Variants in FLNB observed in about 807,000 individuals in gnomAD.
FLNB encodes filamin B.
A neutral mutation model predicts 250.6 loss-of-function variants in FLNB; 111 were observed. That is an observed-to-expected ratio of 0.44 (90% CI 0.38 to 0.52). The LOEUF is 0.52. Ranked by LOEUF, FLNB falls within the 20% of genes least tolerant of loss-of-function variation. The probability of loss-of-function intolerance (pLI) is 0.00; values close to 1 mark genes in which losing one functional copy is unlikely to be tolerated. For synonymous variants in FLNB, 1,302 were observed against 1,372.1 expected, an observed-to-expected ratio of 0.95 and a Z score of 1.13; for missense variants, 2,869 against 3,447.8, an observed-to-expected ratio of 0.83 and a Z score of 4.20.
chr3:58,160,681 T>C (rs1172791370), intron 42 of FLNB, among the ~76,000 whole-genome samples: 1 of 152,160 alleles, frequency 6.6e-6, no homozygotes, highest in African/African-American at 2.4e-5. Context: ...CCTGGCTGTA[T>C]TTGTATAGTG....
intron 1 of FLNB, among the ~76,000 whole-genome samples, chr3:58,043,924 G>A (rs1193046323): frequency 6.6e-6 from 1 of 152,140 alleles, no homozygotes; most frequent in Admixed American, 6.5e-5. Context: ...CAGGGCCTCA[G>A]GAAGACTTGA....
chr3:58,102,084 A>C, intron 8 of FLNB, 119 bp from the exon 9 acceptor site: 1 of 1,119,934 alleles, frequency 8.9e-7, no homozygotes, highest in Non-Finnish European at 1.3e-6. Context: ...TTGGGCAACT[A>C]CTGCATACTA....
chr3:58,039,937 G>T (rs1393950933), intron 1 of FLNB, among the ~76,000 whole-genome samples: 1 of 152,202 alleles, frequency 6.6e-6, no homozygotes, highest in Non-Finnish European at 1.5e-5. Flanking sequence ...CTGAGGTCAA[G>T]AGTTGAAGAC....
chr3:58,073,289 C>T (rs1276116561), intron 1 of FLNB, among the ~76,000 whole-genome samples: 2 of 152,070 alleles, frequency 1.3e-5, no homozygotes, highest in Non-Finnish European at 2.9e-5. Context: ...GGTAGTAACT[C>T]CGTAATCAAT....
At chr3:58,064,114 G>C (rs2097182118) in intron 1 of FLNB, among the ~76,000 whole-genome samples, 1 of 152,146 alleles carries the variant, frequency 6.6e-6, no homozygotes, top group Admixed American at 6.5e-5. Context: ...TCAGCACAGA[G>C]CTGGGAGCTC....
Position 58,126,093 on chromosome 3 carries a change from T to C in FLNB, c.4061+350T>C, listed in dbSNP as rs1004457027. 2.6e-5 allele frequency among the ~76,000 whole-genome samples: 4 copies of C among 151,980 alleles called. No individual in the cohort carries two copies. In the East Asian group the frequency reaches 7.7e-4, roughly 29 times the overall value. On this transcript the variant is annotated intron_variant, in intron 23 of 45. Coordinates refer to ENST00000295956, the MANE Select transcript of FLNB (RefSeq NM_001457.4). ...AGCCAGTGCAATTAGATAAGAAAAA[T>C]AGGCTGGGTGTGGCGGCTCACACCT...
intron 41 of FLNB, among the ~76,000 whole-genome samples, chr3:58,156,451 G>T (rs2097353472): frequency 6.6e-6 from 1 of 152,222 alleles, no homozygotes; most frequent in African/African-American, 2.4e-5. Context: ...GCCTGCTGTT[G>T]TTGGCTGCCT....
At chr3:58,100,688 C>A (rs74829729) in intron 8 of FLNB, among the ~76,000 whole-genome samples, 1,607 of 147,712 alleles carry the variant, frequency 0.011, 32 homozygotes, top group East Asian at 0.057. Context: ...GCTTCTGCTT[C>A]CCTGGTTCAA....
At chr3:58,037,311 C>T (rs1255328958) in intron 1 of FLNB, among the ~76,000 whole-genome samples, 8 of 152,256 alleles carry the variant, frequency 5.3e-5, no homozygotes, top group East Asian at 3.9e-4. Context: ...GCCATCCGCT[C>T]GCTTTGGCCT....
chr3:58,159,537 AT>A lies in FLNB; in HGVS notation c.6889-16del. The stretch of plus-strand genomic sequence containing the variant: ...AACGCCGAGGGCCATAACCTGTCTG[AT>A]GTATTAAATTCTCAGGAATCGGGAT... On this transcript the variant is annotated splice_polypyrimidine_tract_variant and intron_variant, in intron 41 of 45. Transcript: ENST00000295956. 6.2e-7 allele frequency: 1 copy of A among 1,613,934 alleles called. No homozygotes were observed. The highest frequency in any genetic ancestry group is 8.5e-7 in the Non-Finnish European group (1 of 1,179,898).
intron 19 of FLNB, among the ~76,000 whole-genome samples, chr3:58,119,947 T>C (rs1022738177): frequency 5.3e-5 from 8 of 152,214 alleles, no homozygotes; most frequent in Admixed American, 4.6e-4. Context: ...CACTCCTACA[T>C]CTTTTCCGTC....
chr3:58,074,189 C>T lies in FLNB; in HGVS notation c.293-2857C>T, dbSNP rs961723224. 4.6e-5 allele frequency among the ~76,000 whole-genome samples: 7 copies of T among 152,298 alleles called. No homozygotes were observed. The East Asian group carries it at 1.2e-3, about 25-fold the overall frequency. On this transcript the variant is annotated intron_variant, in intron 1 of 45. Transcript: ENST00000295956. ...CCCAGACCAAGAACATCAGCATTAC[C>T]TACGAATTTATTGGAAATTCAAATT...
intron 9 of FLNB, among the ~76,000 whole-genome samples, chr3:58,103,128 AT>A (rs2097253740): frequency 6.6e-6 from 1 of 152,080 alleles, no homozygotes; most frequent in Non-Finnish European, 1.5e-5. Flanking sequence ...CAGAAAGTTA[AT>A]ATTTGACTTC....
intron 1 of FLNB, among the ~76,000 whole-genome samples, chr3:58,063,348 C>A (rs952456788): frequency 6.6e-6 from 1 of 152,152 alleles, no homozygotes; most frequent in African/African-American, 2.4e-5. Flanking sequence ...GGAGGTCGGT[C>A]CCTGGGCTGA....
At chr3:58,152,280 A>G (rs1478216991) in intron 38 of FLNB, among the ~76,000 whole-genome samples, 2 of 152,182 alleles carry the variant, frequency 1.3e-5, no homozygotes, top group East Asian at 1.9e-4. Flanking sequence ...CTCCGGACCC[A>G]GGTTTTGCGG....
intron 13 of FLNB, 149 bp from the exon 14 acceptor site, chr3:58,109,030 G>T (rs900407251): frequency 1.2e-6 from 1 of 857,184 alleles, no homozygotes. Flanking sequence ...TTGTCACCGT[G>T]TTGTGAAAAT....
intron 1 of FLNB, among the ~76,000 whole-genome samples, chr3:58,039,425 A>T (rs558477909): frequency 6.6e-6 from 1 of 152,212 alleles, no homozygotes; most frequent in Admixed American, 6.5e-5. Context: ...AAGCCTAGTG[A>T]TGCAGACATT....
chr3:58,170,510 A>C (rs923751593), intron 45 of FLNB, 65 bp from the exon 46 acceptor site: 2 of 1,530,608 alleles, frequency 1.3e-6, no homozygotes, highest in Non-Finnish European at 1.8e-6. Context: ...TGGCTCTCAT[A>C]TTTCCTCTTC....
At chr3:58,103,296 ACG>A (rs1374558064) in intron 9 of FLNB, among the ~76,000 whole-genome samples, 2 of 115,188 alleles carry the variant, frequency 1.7e-5, no homozygotes, top group African/African-American at 6.6e-5. Context: ...GTGTGTGTGC[ACG>A]CGCGTGCATG....
Sources: gnomAD v4.1 joint callset for allele counts (sites outside exome capture counted in the v4.1 genomes callset) on GRCh38, gnomAD v4.1.1 for gene constraint, MANE v1.5 for transcripts, NCBI Gene and HGNC (gene_info 2026-07-23, HGNC 2026-07-21) for gene names.